The following ATP2B2 variants were observed in gnomAD, a reference collection of about 807,000 sequenced individuals.
The protein encoded by ATP2B2 is ATPase plasma membrane Ca2+ transporting 2.
In ATP2B2, 15 loss-of-function variants were observed where a neutral mutation model predicts 120.0. The observed-to-expected ratio is 0.12, with a 90% CI of 0.08 to 0.19. ATP2B2 has a LOEUF of 0.19. ATP2B2 is among the 10% of genes least tolerant of loss of function. The pLI is 1.00. For missense variants in ATP2B2, 1,045 were observed against 1,719.8 expected (o/e 0.61, Z 6.94); for synonymous variants, 694 against 700.3 (o/e 0.99, Z 0.14).
At chr3:10,592,408 C>T (rs1055633992) in intron 2 of ATP2B2, among the ~76,000 whole-genome samples, 2 of 152,242 alleles carry the variant, frequency 1.3e-5, no homozygotes, top group Non-Finnish European at 1.5e-5. Context: ...GGGGGACTCC[C>T]ACACCCATGG....
chr3:10,503,658 T>C (rs1057095767), intron 1 of ATP2B2, among the ~76,000 whole-genome samples: 1 of 152,244 alleles, frequency 6.6e-6, no homozygotes, highest in African/African-American at 2.4e-5. Context: ...TCTTCTTATG[T>C]GTGCAACTGA....
intron 8 of ATP2B2, 85 bp downstream of exon 8, chr3:10,385,183 G>T: frequency 2.2e-6 from 3 of 1,365,594 alleles, no homozygotes; most frequent in South Asian, 2.4e-5. Flanking sequence ...GTGCAGTCCA[G>T]AACAAGGAAA....
At chr3:10,632,817 C>T (rs1046916865) in intron 1 of ATP2B2, among the ~76,000 whole-genome samples, 14 of 152,218 alleles carry the variant, frequency 9.2e-5, no homozygotes, top group African/African-American at 3.4e-4. Context: ...TACTGGGCCT[C>T]TTTGTGGTGA....
At chr3:10,641,477 G>A (rs2070170594) in intron 1 of ATP2B2, among the ~76,000 whole-genome samples, 1 of 152,180 alleles carries the variant, frequency 6.6e-6, no homozygotes, top group South Asian at 2.1e-4. Context: ...TAAAAAAGAA[G>A]CTGGAAATCA....
At position 10,340,723 on chromosome 3, in the gene ATP2B2, G is replaced by C. The variant is rs201986876; in HGVS notation, c.2918-19C>G. 6.2e-7 allele frequency: 1 copy of C among 1,613,636 alleles called. No individual in the cohort carries two copies. The highest frequency in any genetic ancestry group is 2.2e-5 in the East Asian group (1 of 44,868). On this transcript the variant is annotated intron_variant, in intron 19 of 22. Transcript: ENST00000360273. This position sits in a 1 kb window ranked among gnomAD's most constrained non-coding sequence, Gnocchi z 5.0. ...TTCTCGCCTGCCAAGTGAGAGAGTG[G>C]GGCTGGGCTGAAGGCAGTGGTGGGG... is the stretch of plus-strand genomic sequence containing the variant.
At chr3:10,615,889 G>A (rs1369583471) in intron 2 of ATP2B2, among the ~76,000 whole-genome samples, 1 of 151,950 alleles carries the variant, frequency 6.6e-6, no homozygotes, top group African/African-American at 2.4e-5. Context: ...ATGGCCTTGA[G>A]CAGCCACTCT....
intron 1 of ATP2B2, among the ~76,000 whole-genome samples, chr3:10,465,760 C>T (rs2064709956): frequency 6.6e-6 from 1 of 152,200 alleles, no homozygotes; most frequent in South Asian, 2.1e-4. Flanking sequence ...CCGGAGCTGC[C>T]ACCTCTGTTT....
Position 10,342,962 on chromosome 3 carries a change from A to T in ATP2B2, c.2707T>A (p.Ser903Thr). 1 of 1,613,904 alleles carries T rather than the reference A, an allele frequency of 6.2e-7. No individual in the cohort carries two copies. ...AFTGACITQD[S>T]PLKAVQMLWV... ...AGCATCTGCACGGCCTTCAGAGGGG[A>T]GTCCTGGGGACGGGCAGGAGAGGGC... Residue 903 changes from serine (S) to threonine (T), a missense_variant, in exon 19 of 23, where the codon TCC becomes ACC. Transcript: ENST00000360273. This position sits in a 1 kb window ranked among gnomAD's most constrained non-coding sequence, Gnocchi z 4.4.
intron 2 of ATP2B2, among the ~76,000 whole-genome samples, chr3:10,572,738 G>A (rs1376274497): frequency 1.3e-5 from 2 of 152,216 alleles, no homozygotes; most frequent in African/African-American, 2.4e-5. Flanking sequence ...TTAATGGGTT[G>A]AAGGGGCATC....
chr3:10,602,967 C>A (rs1221516538), intron 2 of ATP2B2, among the ~76,000 whole-genome samples: 1 of 152,232 alleles, frequency 6.6e-6, no homozygotes, highest in Non-Finnish European at 1.5e-5. Context: ...CTTCTCAGCA[C>A]CCTCTCTTTC....
At chr3:10,544,794 T>A (rs2067509683) in intron 2 of ATP2B2, among the ~76,000 whole-genome samples, 1 of 152,218 alleles carries the variant, frequency 6.6e-6, no homozygotes, top group South Asian at 2.1e-4. Flanking sequence ...ACAGTCTTCC[T>A]CCAAAATCAA....
intron 22 of ATP2B2, among the ~76,000 whole-genome samples, chr3:10,331,673 C>T: frequency 6.7e-6 from 1 of 148,776 alleles, no homozygotes; most frequent in Non-Finnish European, 1.5e-5. Context: ...AAAAAAAAGG[C>T]TCTTCCATCT....
chr3:10,356,127 T>TAAAAAAA (rs2060719991), intron 14 of ATP2B2, among the ~76,000 whole-genome samples: 1 of 93,124 alleles, frequency 1.1e-5, no homozygotes, highest in Non-Finnish European at 2.3e-5. Context: ...AAAAAAGAAC[T>TAAAAAAA]ACTTGTCCTT....
At chr3:10,345,997 C>T (rs1434981575) in intron 17 of ATP2B2, 34 bp downstream of exon 17, 1 of 1,586,704 alleles carries the variant, frequency 6.3e-7, no homozygotes, top group Admixed American at 1.7e-5. Flanking sequence ...TCCCCAGCCC[C>T]CACCACCCCA....
intron 1 of ATP2B2, among the ~76,000 whole-genome samples, chr3:10,700,673 T>C (rs2071803542): frequency 6.6e-6 from 1 of 152,266 alleles, no homozygotes; most frequent in Non-Finnish European, 1.5e-5. Flanking sequence ...TTTCAGTCCA[T>C]GCCCTACTGG....
At chr3:10,703,999 G>A (rs374613639) in intron 1 of ATP2B2, among the ~76,000 whole-genome samples, 88 of 152,234 alleles carry the variant, frequency 5.8e-4, no homozygotes, top group African/African-American at 2.1e-3. Context: ...TGCTTACCCT[G>A]CCTCACCCAT....
At chr3:10,608,723 C>T (rs970348691) in intron 2 of ATP2B2, among the ~76,000 whole-genome samples, 1 of 152,204 alleles carries the variant, frequency 6.6e-6, no homozygotes, top group East Asian at 1.9e-4. Context: ...TCTCCAGCAC[C>T]CTGAGGCCCC....
intron 3 of ATP2B2, among the ~76,000 whole-genome samples, chr3:10,529,392 A>G (rs796966776): frequency 5.3e-5 from 8 of 152,312 alleles, no homozygotes; most frequent in African/African-American, 1.9e-4. Flanking sequence ...CCGTGTCTCC[A>G]GAGTCTAGCA....
chr3:10,383,338 TG>T (rs2061583902), intron 8 of ATP2B2, among the ~76,000 whole-genome samples: 1 of 152,146 alleles, frequency 6.6e-6, no homozygotes, highest in Non-Finnish European at 1.5e-5. Flanking sequence ...AAACTCTATG[TG>T]ACTCTGTAAC....
Sources: gnomAD v4.1 joint callset for allele counts (sites outside exome capture counted in the v4.1 genomes callset) on GRCh38, gnomAD v4.1.1 for gene constraint, Gnocchi (gnomAD v3.1) non-coding constraint, MANE v1.5 for transcripts, NCBI Gene and HGNC (gene_info 2026-07-23, HGNC 2026-07-21) for gene names.